ARMC2: variants seen among roughly 807,000 people sequenced by gnomAD.
ARMC2 encodes armadillo repeat-containing protein 2.
Under a neutral mutation model 90.3 loss-of-function variants are expected in ARMC2, and 67 were observed. The observed-to-expected ratio is 0.74, with a 90% CI of 0.61 to 0.91. ARMC2 has a LOEUF of 0.91. ARMC2 is among the 40% of genes least tolerant of loss of function. The probability of loss-of-function intolerance (pLI) is 0.00; values close to 1 mark genes in which losing one functional copy is unlikely to be tolerated. For synonymous variants in ARMC2, 393 were observed against 393.0 expected (o/e 1.00, Z 0.00); for missense variants, 920 against 1,030.9 (o/e 0.89, Z 1.47).
chr6:108,923,634 T>G lies in ARMC2; in HGVS notation c.1351-4454T>G, dbSNP rs62427189. 6.2e-5 allele frequency among the ~76,000 whole-genome samples: 9 copies of G among 144,648 alleles called. No homozygotes were observed. In the Admixed American group the frequency reaches 6.3e-4, roughly 10 times the overall value. 94.9% of individuals were successfully genotyped at this position (144,648 alleles called of 152,430 possible). On this transcript the variant is annotated intron_variant, in intron 10 of 17. Transcript: ENST00000392644. ...CCCCACACCCTTTTTTTTTTTTTTTTCCTGCATTTTTTCCAGAAAAGGCCA... is the reference window on the plus strand; with the variant it reads ...CCCCACACCCTTTTTTTTTTTTTTTGCCTGCATTTTTTCCAGAAAAGGCCA...
At chr6:108,905,366 C>G (rs1227662710) in intron 8 of ARMC2, among the ~76,000 whole-genome samples, 2 of 152,094 alleles carry the variant, frequency 1.3e-5, no homozygotes, top group Non-Finnish European at 2.9e-5. Flanking sequence ...ACTATTAACT[C>G]TCTTTTTAAA....
chr6:108,866,389 C>A (rs1022330996), intron 3 of ARMC2, among the ~76,000 whole-genome samples: 1 of 152,160 alleles, frequency 6.6e-6, no homozygotes, highest in Admixed American at 6.5e-5. Flanking sequence ...GCAACTTATG[C>A]AGACAAACAA....
the ARMC2 span, among the ~76,000 whole-genome samples, chr6:108,981,997 A>G: frequency 6.6e-6 from 1 of 152,134 alleles, no homozygotes; most frequent in Non-Finnish European, 1.5e-5. Flanking sequence ...ACTGAATAAT[A>G]TTCCATTCTA....
At position 108,898,957 on chromosome 6, in the gene ARMC2, G is replaced by A. The variant is rs117487608; in HGVS notation, c.749-737G>A. Among the ~76,000 whole-genome samples the A allele has an allele frequency of 2.3e-4, 35 of 152,306 alleles. No individual in the cohort carries two copies. In the East Asian group the frequency reaches 6.5e-3, roughly 28 times the overall value. ...GGGGTGATAACATGTTTGTATACTT[G>A]TTTAATCAGGGAAATGAAATTAATT... On this transcript the variant is annotated intron_variant, in intron 6 of 17. Coordinates refer to ENST00000392644, the MANE Select transcript of ARMC2 (RefSeq NM_032131.6).
intron 10 of ARMC2, among the ~76,000 whole-genome samples, chr6:108,914,199 CAT>C (rs1442357027): frequency 2.0e-5 from 3 of 152,012 alleles, no homozygotes; most frequent in African/African-American, 7.3e-5. Flanking sequence ...CACCCACACA[CAT>C]ATGATCAGTG....
chr6:108,890,184 CG>C (rs1184542552), intron 5 of ARMC2, among the ~76,000 whole-genome samples: 5 of 65,086 alleles, frequency 7.7e-5, no homozygotes, highest in Non-Finnish European at 1.3e-4. Context: ...AGCGAGACTC[CG>C]TCTCAAAAAA....
At chr6:108,895,415 T>C (rs1771496957) in intron 6 of ARMC2, among the ~76,000 whole-genome samples, 1 of 141,206 alleles carries the variant, frequency 7.1e-6, no homozygotes, top group Admixed American at 7.8e-5. Context: ...ACCCAGGAGA[T>C]GGAGTTTGCA....
At chr6:108,994,341 T>C in the ARMC2 span, 3 of 715,104 alleles carry the variant, frequency 4.2e-6, no homozygotes, top group Non-Finnish European at 6.5e-6. Context: ...GGAATACCTA[T>C]GCAATAGTCT....
intron 6 of ARMC2, among the ~76,000 whole-genome samples, chr6:108,895,135 A>G (rs946912450): frequency 7.3e-5 from 11 of 151,542 alleles, no homozygotes; most frequent in Non-Finnish European, 1.2e-4. Context: ...AAAACTTGAC[A>G]TTAACATAGT....
chr6:108,963,299 A>G (rs1001556250), intron 15 of ARMC2, among the ~76,000 whole-genome samples: 20 of 152,204 alleles, frequency 1.3e-4, no homozygotes, highest in Non-Finnish European at 2.6e-4. Context: ...TTAAAAACAT[A>G]ACTCTCCATG....
rs759258790 is a variant in ARMC2, at chr6:108,965,104, A to G, written c.2410A>G (p.Thr804Ala). ...NASSCFGNED[T>A]NTLLLLLSSF... ...TTCGTCATGTTTTGGAAATGAAGAC[A>G]CCAACACACTCTTACTCTTGCTCTC... is the stretch of plus-strand genomic sequence containing the variant. Residue 804 changes from threonine (T) to alanine (A), a missense_variant, in exon 17 of 18, where the codon ACC becomes GCC. By Grantham distance (58) the Thr-to-Ala change is moderately conservative (BLOSUM62 0). Transcript: ENST00000392644. 1 of 1,613,500 alleles carries G rather than the reference A, an allele frequency of 6.2e-7. No homozygotes were observed.
At chr6:108,894,601 G>T in intron 6 of ARMC2, 58 bp downstream of exon 6, 1 of 1,448,792 alleles carries the variant, frequency 6.9e-7, no homozygotes. Context: ...AAAGATGTTT[G>T]CACTGAAGAT....
At chr6:108,988,579 A>G in the ARMC2 span, 13 of 1,613,146 alleles carry the variant, frequency 8.1e-6, no homozygotes, top group South Asian at 1.1e-5. Flanking sequence ...AGAAGCTATC[A>G]TACATTCTTT....
chr6:109,047,035 G>A, the ARMC2 span, among the ~76,000 whole-genome samples: 2 of 6,408 alleles, frequency 3.1e-4, no homozygotes, highest in Non-Finnish European at 5.8e-4. Context: ...CCATCCGGGA[G>A]GGAGGTGGGG....
intron 12 of ARMC2, among the ~76,000 whole-genome samples, chr6:108,950,382 A>G (rs1289190364): frequency 1.3e-5 from 2 of 152,366 alleles, no homozygotes; most frequent in Admixed American, 6.5e-5. Context: ...GTAAATGTCT[A>G]TCAATGGTGG....
At chr6:109,038,513 AAC>A in the ARMC2 span, among the ~76,000 whole-genome samples, 1 of 152,192 alleles carries the variant, frequency 6.6e-6, no homozygotes, top group East Asian at 1.9e-4. Context: ...AACAAAAAAC[AAC>A]ACAAGTCTTT....
At chr6:108,890,059 G>A (rs867568064) in intron 5 of ARMC2, among the ~76,000 whole-genome samples, 2 of 148,056 alleles carry the variant, frequency 1.4e-5, no homozygotes, top group Non-Finnish European at 3.0e-5. Context: ...GCGTAGTGGC[G>A]GGCGCCTGTA....
chr6:108,913,461 G>A (rs1374138086), intron 10 of ARMC2, among the ~76,000 whole-genome samples: 5 of 152,174 alleles, frequency 3.3e-5, no homozygotes, highest in African/African-American at 4.8e-5. Flanking sequence ...ATGATGCACA[G>A]TTTTTCTGTA....
At position 108,973,415 on chromosome 6, in the gene ARMC2, C is replaced by T; in HGVS notation, c.2505C>T (p.Leu835=). 1.2e-6 allele frequency: 2 copies of T among 1,613,780 alleles called. No individual in the cohort carries two copies. Among genetic ancestry groups the T allele is most frequent in the African/African-American group, 1.3e-5 (1 of 75,018 alleles). Residue 835 remains leucine (L), a synonymous_variant, in exon 18 of 18, where the codon CTC becomes CTT. Coordinates refer to ENST00000392644, the MANE Select transcript of ARMC2 (RefSeq NM_032131.6). Reference sequence around the variant, plus strand: ...CAGACCTAAAAAACTATCACAAACTCCATTGGGAAACAGAATTCAAACCTG... The same window carrying T: ...CAGACCTAAAAAACTATCACAAACTTCATTGGGAAACAGAATTCAAACCTG... ...FDPDLKNYHK[L]HWETEFKPVA... is the part of the protein sequence containing the mutation.
Sources: gnomAD v4.1 joint callset for allele counts (sites outside exome capture counted in the v4.1 genomes callset) on GRCh38, gnomAD v4.1.1 for gene constraint, MANE v1.5 for transcripts, NCBI Gene and HGNC (gene_info 2026-07-23, HGNC 2026-07-21) for gene names.